The following TMEM132D variants were observed in gnomAD, a reference collection of about 807,000 sequenced individuals.
TMEM132D encodes the protein mature OL transmembrane protein.
In TMEM132D, 21 loss-of-function variants were observed where a neutral mutation model predicts 62.3. The observed-to-expected ratio is 0.34, with a 90% CI of 0.24 to 0.49. The LOEUF (loss-of-function observed/expected upper bound fraction) is 0.49. TMEM132D is among the 20% of genes least tolerant of loss of function. The pLI is 0.99. For missense variants in TMEM132D, 1,346 were observed against 1,402.8 expected, an observed-to-expected ratio of 0.96 and a Z score of 0.65; for synonymous variants, 621 against 575.6, an observed-to-expected ratio of 1.08 and a Z score of -1.13.
At chr12:129,374,658 C>T (rs912398553) in intron 3 of TMEM132D, among the ~76,000 whole-genome samples, 1 of 152,086 alleles carries the variant, frequency 6.6e-6, no homozygotes, top group Admixed American at 6.5e-5. Context: ...TAGAGGCTGC[C>T]CGTGAGTACT....
At chr12:129,803,397 G>A (rs981254639) in intron 1 of TMEM132D, among the ~76,000 whole-genome samples, 21 of 152,020 alleles carry the variant, frequency 1.4e-4, no homozygotes, top group Non-Finnish European at 2.4e-4. Context: ...ACTCAAAACT[G>A]CACAACTACA....
intron 5 of TMEM132D, among the ~76,000 whole-genome samples, chr12:129,176,627 C>G (rs750146722): frequency 2.2e-4 from 33 of 152,254 alleles, no homozygotes; most frequent in Non-Finnish European, 4.4e-5. Context: ...CCACACAACA[C>G]TGCAGAGAAT....
chr12:129,245,073 C>A (rs1179414963), intron 4 of TMEM132D, among the ~76,000 whole-genome samples: 1 of 152,156 alleles, frequency 6.6e-6, no homozygotes, highest in African/African-American at 2.4e-5. Flanking sequence ...TTACTAATAA[C>A]TAGAGTCCAT....
chr12:129,836,350 T>A (rs939368341), intron 1 of TMEM132D, among the ~76,000 whole-genome samples: 2 of 152,152 alleles, frequency 1.3e-5, no homozygotes, highest in African/African-American at 4.8e-5. Flanking sequence ...GATCTCAGCA[T>A]CCTCTTGAGA....
chr12:129,278,692 G>T (rs1021441629), intron 4 of TMEM132D, among the ~76,000 whole-genome samples: 4 of 152,160 alleles, frequency 2.6e-5, no homozygotes, highest in Non-Finnish European at 5.9e-5. Context: ...AGACAATTTT[G>T]CCTTTTAAAA....
intron 2 of TMEM132D, among the ~76,000 whole-genome samples, chr12:129,640,349 C>T (rs910502483): frequency 6.6e-6 from 1 of 152,138 alleles, no homozygotes; most frequent in Admixed American, 6.5e-5. Flanking sequence ...AACAAATATG[C>T]TTCATATTCA....
intron 1 of TMEM132D, among the ~76,000 whole-genome samples, chr12:129,855,158 C>T (rs1873692220): frequency 9.3e-6 from 1 of 107,462 alleles, no homozygotes; most frequent in African/African-American, 3.7e-5. Flanking sequence ...GGGATGGGTG[C>T]CCTTATAACA....
At chr12:129,604,551 A>G (rs1458247610) in intron 2 of TMEM132D, among the ~76,000 whole-genome samples, 2 of 152,158 alleles carry the variant, frequency 1.3e-5, no homozygotes, top group Non-Finnish European at 2.9e-5. Context: ...GGTCATTTTT[A>G]ATTCAGAACA....
At chr12:129,108,981 C>T (rs949716552) in intron 5 of TMEM132D, among the ~76,000 whole-genome samples, 2 of 152,206 alleles carry the variant, frequency 1.3e-5, no homozygotes, top group Admixed American at 1.3e-4. Flanking sequence ...CCTCGATGCT[C>T]TAGACTGCAT....
intron 2 of TMEM132D, among the ~76,000 whole-genome samples, chr12:129,680,131 C>T (rs1280923835): frequency 6.6e-6 from 1 of 152,208 alleles, no homozygotes; most frequent in Non-Finnish European, 1.5e-5. Context: ...TCACTCAACT[C>T]TGTGTGTGCC....
At chr12:129,293,974 C>G (rs974072509) in intron 4 of TMEM132D, among the ~76,000 whole-genome samples, 1 of 152,114 alleles carries the variant, frequency 6.6e-6, no homozygotes, top group African/African-American at 2.4e-5. Context: ...GAGAGGGGGG[C>G]CCCACAGTAA....
At chr12:129,775,786 AT>A (rs894659332) in intron 1 of TMEM132D, among the ~76,000 whole-genome samples, 3 of 152,158 alleles carry the variant, frequency 2.0e-5, no homozygotes, top group African/African-American at 7.2e-5. Context: ...CAGGCATTAA[AT>A]TTGTTGCACA....
intron 3 of TMEM132D, among the ~76,000 whole-genome samples, chr12:129,524,428 T>C (rs1875950583): frequency 6.6e-6 from 1 of 152,178 alleles, no homozygotes; most frequent in Non-Finnish European, 1.5e-5. Flanking sequence ...CATTACAGTT[T>C]CAGGTTAATT....
intron 2 of TMEM132D, among the ~76,000 whole-genome samples, chr12:129,575,309 G>T (rs1405846484): frequency 6.6e-6 from 1 of 151,828 alleles, no homozygotes; most frequent in Non-Finnish European, 1.5e-5. Context: ...GGAGTCAAAA[G>T]TCATTCCGCC....
intron 4 of TMEM132D, among the ~76,000 whole-genome samples, chr12:129,270,823 A>T (rs976555918): frequency 9.2e-5 from 14 of 152,236 alleles, no homozygotes; most frequent in South Asian, 6.2e-4. Context: ...AATTTGGTAC[A>T]TGTCAAAATA....
chr12:129,507,554 G>T (rs998045652), intron 3 of TMEM132D, among the ~76,000 whole-genome samples: 2 of 151,468 alleles, frequency 1.3e-5, no homozygotes, highest in African/African-American at 4.8e-5. Flanking sequence ...AATGGCATTC[G>T]CAGCAACCTG....
intron 2 of TMEM132D, among the ~76,000 whole-genome samples, chr12:129,545,520 G>A (rs1281897280): frequency 6.6e-6 from 1 of 152,118 alleles, no homozygotes; most frequent in Non-Finnish European, 1.5e-5. Flanking sequence ...GCACAGTAGA[G>A]TATTGCTGAC....
intron 4 of TMEM132D, among the ~76,000 whole-genome samples, chr12:129,321,095 T>G (rs1169455492): frequency 6.6e-6 from 1 of 152,234 alleles, no homozygotes; most frequent in Admixed American, 6.5e-5. Flanking sequence ...ATTTATCTAT[T>G]ATGTCTATTT....
chr12:129,217,732 A>G (rs201599768), intron 4 of TMEM132D, among the ~76,000 whole-genome samples: 1 of 146,750 alleles, frequency 6.8e-6, no homozygotes, highest in Non-Finnish European at 1.5e-5. Flanking sequence ...CATTTTTTAC[A>G]GAGGTTAGCT....
Sources: allele counts gnomAD v4.1 joint callset (sites outside exome capture counted in the v4.1 genomes callset), GRCh38; gene constraint gnomAD v4.1.1; transcripts MANE v1.5; gene names NCBI Gene and HGNC (gene_info 2026-07-23, HGNC 2026-07-21).